DPYD: variants seen among roughly 807,000 people sequenced by gnomAD.
The protein encoded by DPYD is dihydropyrimidine dehydrogenase [NADP(+)].
A neutral mutation model predicts 116.2 loss-of-function variants in DPYD; 109 were observed. That is an observed-to-expected ratio of 0.94 (90% CI 0.80 to 1.10). The LOEUF (loss-of-function observed/expected upper bound fraction) is 1.10. Among genes scored for constraint, DPYD ranks in the 50% least tolerant of loss-of-function variants. DPYD has a pLI of 0.00. For synonymous variants in DPYD, 440 were observed against 432.0 expected, an observed-to-expected ratio of 1.02 and a Z score of -0.23; for missense variants, 1,302 against 1,254.5, an observed-to-expected ratio of 1.04 and a Z score of -0.57.
intron 13 of DPYD, among the ~76,000 whole-genome samples, chr1:97,469,954 T>C (rs34387885): frequency 0.072 from 10,975 of 152,206 alleles, 461 homozygotes; most frequent in East Asian, 0.19. Flanking sequence ...GCCAGGTCAT[T>C]TTCATCGTTC....
rs1571380665 is a variant in DPYD, at chr1:97,801,218, A to AG, written c.233+26895_233+26896insC. ...TCGTTCCACCATATGAGGACACAGCAAGAAGACAATACTCTGAAAGTCAGA... is the reference window on the plus strand; with the variant it reads ...TCGTTCCACCATATGAGGACACAGCAGAGAAGACAATACTCTGAAAGTCAGA... On this transcript the variant is annotated intron_variant, in intron 3 of 22. Coordinates refer to ENST00000370192, the MANE Select transcript of DPYD (RefSeq NM_000110.4). Among the ~76,000 whole-genome samples, 3 of 151,982 alleles carry AG rather than the reference A, an allele frequency of 2.0e-5. No homozygotes were observed. The East Asian group carries it at 5.8e-4, about 29-fold the overall frequency.
chr1:97,268,886 C>A (rs781370762), intron 18 of DPYD, among the ~76,000 whole-genome samples: 1 of 152,194 alleles, frequency 6.6e-6, no homozygotes, highest in Non-Finnish European at 1.5e-5. Context: ...TAGCCACACA[C>A]TTAGTATTCC....
chr1:97,169,799 C>G (rs1337179940), intron 20 of DPYD, among the ~76,000 whole-genome samples: 1 of 152,082 alleles, frequency 6.6e-6, no homozygotes, highest in East Asian at 1.9e-4. Context: ...TTGCTGTATG[C>G]ACACTTATGC....
intron 9 of DPYD, among the ~76,000 whole-genome samples, chr1:97,593,647 A>G (rs1013174339): frequency 2.6e-5 from 4 of 152,216 alleles, no homozygotes; most frequent in Non-Finnish European, 4.4e-5. Context: ...TGAGAAGTTT[A>G]GGTCATAACA....
chr1:97,896,619 G>A (rs1235689524), intron 1 of DPYD, among the ~76,000 whole-genome samples: 2 of 151,608 alleles, frequency 1.3e-5, no homozygotes, highest in African/African-American at 2.4e-5. Context: ...TACCTACAAA[G>A]CTGTGCAACC....
Position 97,289,096 on chromosome 1 carries a change from A to T in DPYD, c.2299+16163T>A, listed in dbSNP as rs190552194. Among the ~76,000 whole-genome samples, 642 of 152,354 alleles carry T rather than the reference A, an allele frequency of 4.2e-3. 11 individuals carry two copies. The highest frequency in any genetic ancestry group is 0.015 in the African/African-American group (616 of 41,568). ...AAACTAGAAAATCTAGAAGAAATGG[A>T]TAAATTCCTTGACACATACACCCTC... On this transcript the variant is annotated intron_variant, in intron 18 of 22. Transcript: ENST00000370192.
At chr1:97,800,155 T>C (rs1247260168) in intron 3 of DPYD, among the ~76,000 whole-genome samples, 1 of 151,960 alleles carries the variant, frequency 6.6e-6, no homozygotes, top group Non-Finnish European at 1.5e-5. Flanking sequence ...ACCTACTTCA[T>C]AGGAGTGTCA....
At chr1:97,795,166 T>TCC (rs1242243942) in intron 3 of DPYD, among the ~76,000 whole-genome samples, 2 of 152,002 alleles carry the variant, frequency 1.3e-5, no homozygotes, top group Non-Finnish European at 2.9e-5. Context: ...CAGTGTTGGG[T>TCC]AACTTCAAAA....
intron 5 of DPYD, among the ~76,000 whole-genome samples, chr1:97,721,262 A>G (rs1050980781): frequency 1.3e-5 from 2 of 151,742 alleles, no homozygotes; most frequent in Non-Finnish European, 3.0e-5. Flanking sequence ...CATCTAATTT[A>G]TATAATTTCA....
At chr1:97,760,241 T>C (rs1305961488) in intron 3 of DPYD, among the ~76,000 whole-genome samples, 5 of 152,148 alleles carry the variant, frequency 3.3e-5, no homozygotes, top group Admixed American at 6.6e-5. Context: ...AAGAATTTTG[T>C]TGTAAAACTT....
intron 2 of DPYD, among the ~76,000 whole-genome samples, chr1:97,833,173 A>G (rs924005010): frequency 1.3e-5 from 2 of 152,158 alleles, no homozygotes; most frequent in Non-Finnish European, 2.9e-5. Flanking sequence ...TAGGAAACCA[A>G]TTTTAACAAA....
At chr1:97,415,333 AATTAT>A (rs2101680116) in intron 14 of DPYD, among the ~76,000 whole-genome samples, 1 of 152,206 alleles carries the variant, frequency 6.6e-6, no homozygotes, top group South Asian at 2.1e-4. Context: ...CTTCATCTAC[AATTAT>A]ATTATTATTA....
chr1:97,220,220 G>C lies in DPYD; in HGVS notation c.2442+14632C>G, dbSNP rs143044138. On this transcript the variant is annotated intron_variant, in intron 19 of 22. Transcript: ENST00000370192. ...CACAGATTAATGCACTATCATGGGA[G>C]TGGGATTCATGGCTTTATACGAAGA... Among the ~76,000 whole-genome samples, 1,207 of 152,126 alleles carry C rather than the reference G, an allele frequency of 7.9e-3. 14 individuals carry two copies. Among genetic ancestry groups the C allele is most frequent in the African/African-American group, 0.028 (1,162 of 41,496 alleles).
chr1:97,187,982 G>T (rs1658110936), intron 20 of DPYD, among the ~76,000 whole-genome samples: 2 of 152,026 alleles, frequency 1.3e-5, no homozygotes, highest in South Asian at 4.1e-4. Context: ...CAGCCTAATT[G>T]TATAATTTGA....
chr1:97,804,189 C>T (rs974855654), intron 3 of DPYD, among the ~76,000 whole-genome samples: 50 of 151,660 alleles, frequency 3.3e-4, no homozygotes, highest in African/African-American at 1.2e-3. Flanking sequence ...AAAACAAGAG[C>T]CTATGTAGTG....
intron 5 of DPYD, among the ~76,000 whole-genome samples, chr1:97,707,398 T>G (rs1219839645): frequency 1.3e-5 from 2 of 151,336 alleles, no homozygotes; most frequent in African/African-American, 4.8e-5. Context: ...ACCCACTAAC[T>G]CGTCATCTAG....
At chr1:97,173,385 C>T (rs569459396) in intron 20 of DPYD, among the ~76,000 whole-genome samples, 66 of 121,786 alleles carry the variant, frequency 5.4e-4, no homozygotes, top group African/African-American at 1.8e-3. Context: ...TGTGTATATA[C>T]GTACATATAT....
chr1:97,352,585 C>T (rs990042392), intron 16 of DPYD, among the ~76,000 whole-genome samples: 4 of 150,656 alleles, frequency 2.7e-5, no homozygotes, highest in African/African-American at 9.7e-5. Flanking sequence ...AAAAATCTTA[C>T]AGATTCTATG....
intron 14 of DPYD, among the ~76,000 whole-genome samples, chr1:97,432,806 G>C: frequency 6.6e-6 from 1 of 152,104 alleles, no homozygotes; most frequent in East Asian, 1.9e-4. Flanking sequence ...GCAGAGTCTG[G>C]GTTGTGCCGC....
Sources: gnomAD v4.1 joint callset for allele counts (sites outside exome capture counted in the v4.1 genomes callset) on GRCh38, gnomAD v4.1.1 for gene constraint, MANE v1.5 for transcripts, NCBI Gene and HGNC (gene_info 2026-07-23, HGNC 2026-07-21) for gene names.